DENND2A: variants seen among roughly 807,000 people sequenced by gnomAD.
DENND2A encodes the protein DENN domain-containing protein 2A.
Under a neutral mutation model 105.3 loss-of-function variants are expected in DENND2A, and 53 were observed. The ratio of observed to expected loss-of-function variants is 0.50; its 90% CI spans 0.40 to 0.63. The LOEUF (loss-of-function observed/expected upper bound fraction) is 0.63. Ranked by LOEUF, DENND2A falls within the 30% of genes least tolerant of loss-of-function variation. The probability of loss-of-function intolerance (pLI) is 0.00; values close to 1 mark genes in which losing one functional copy is unlikely to be tolerated. For missense variants in DENND2A, 1,138 were observed against 1,279.6 expected (o/e 0.89, Z 1.69); for synonymous variants, 522 against 508.4 (o/e 1.03, Z -0.36).
chr7:140,550,515 T>C (rs928163556), intron 12 of DENND2A, among the ~76,000 whole-genome samples: 3 of 152,202 alleles, frequency 2.0e-5, no homozygotes, highest in Non-Finnish European at 2.9e-5. Flanking sequence ...GAAATGGGGT[T>C]TCACCATGTT....
intron 1 of DENND2A, among the ~76,000 whole-genome samples, chr7:140,619,561 G>A (rs1375419161): frequency 6.6e-6 from 1 of 151,852 alleles, no homozygotes; most frequent in African/African-American, 2.4e-5. Flanking sequence ...GTGCAGTGGT[G>A]CAATCTCAGC....
At chr7:140,603,984 GA>G (rs2130691373) in intron 2 of DENND2A, among the ~76,000 whole-genome samples, 1 of 152,320 alleles carries the variant, frequency 6.6e-6, no homozygotes, top group Non-Finnish European at 1.5e-5. Context: ...TATTTTGAAG[GA>G]AAAACATTTT....
At chr7:140,576,242 T>A (rs745973669) in intron 5 of DENND2A, among the ~76,000 whole-genome samples, 7 of 151,830 alleles carry the variant, frequency 4.6e-5, no homozygotes, top group Non-Finnish European at 1.0e-4. Flanking sequence ...TTACTTGTAT[T>A]TTTATTTTAG....
At chr7:140,635,117 G>T (rs1800872199) in intron 1 of DENND2A, among the ~76,000 whole-genome samples, 1 of 151,932 alleles carries the variant, frequency 6.6e-6, no homozygotes, top group African/African-American at 2.4e-5. Context: ...ACAAAAATTA[G>T]CTAGGTGTGG....
At chr7:140,521,574 C>G (rs2130450091) in intron 18 of DENND2A, among the ~76,000 whole-genome samples, 1 of 152,284 alleles carries the variant, frequency 6.6e-6, no homozygotes, top group East Asian at 1.9e-4. Context: ...ACCCACTGTG[C>G]CCAGCCTGAG....
intron 11 of DENND2A, among the ~76,000 whole-genome samples, chr7:140,557,014 C>T (rs752346244): frequency 3.9e-5 from 6 of 151,904 alleles, no homozygotes; most frequent in Non-Finnish European, 7.4e-5. Context: ...TGAATGTTCT[C>T]TCTAAGTGAT....
intron 3 of DENND2A, among the ~76,000 whole-genome samples, chr7:140,595,519 A>G (rs1799247786): frequency 6.6e-6 from 1 of 152,140 alleles, no homozygotes; most frequent in South Asian, 2.1e-4. Flanking sequence ...CTATAATCCT[A>G]GCACTTTGGT....
At chr7:140,641,297 C>G (rs1478343567), upstream of DENND2A, 1 of 152,534 alleles carries the variant, frequency 6.6e-6, no homozygotes, top group African/African-American at 2.4e-5. Flanking sequence ...GGGGAGGGCC[C>G]AGGGCCGAGC....
At chr7:140,582,295 G>A (rs1489788403) in intron 5 of DENND2A, among the ~76,000 whole-genome samples, 1 of 152,106 alleles carries the variant, frequency 6.6e-6, no homozygotes, top group Non-Finnish European at 1.5e-5. Context: ...TTCCTCAGGG[G>A]TGAGGCAGTT....
intron 1 of DENND2A, among the ~76,000 whole-genome samples, chr7:140,635,138 C>T (rs1800873017): frequency 6.6e-6 from 1 of 151,776 alleles, no homozygotes; most frequent in African/African-American, 2.4e-5. Flanking sequence ...TGGTGCGCAC[C>T]TATAGTCCCC....
chr7:140,638,541 G>T (rs933544494), intron 1 of DENND2A, among the ~76,000 whole-genome samples: 1 of 152,052 alleles, frequency 6.6e-6, no homozygotes, highest in Non-Finnish European at 1.5e-5. Flanking sequence ...TAGAAGGAGC[G>T]CATCACTCCT....
At chr7:140,578,001 C>T (rs1399358839) in intron 5 of DENND2A, among the ~76,000 whole-genome samples, 1 of 152,182 alleles carries the variant, frequency 6.6e-6, no homozygotes, top group East Asian at 1.9e-4. Context: ...ACATGTATGG[C>T]ACCTAAATCC....
chr7:140,625,072 C>T (rs1273882789), intron 1 of DENND2A, among the ~76,000 whole-genome samples: 1 of 151,828 alleles, frequency 6.6e-6, no homozygotes, highest in African/African-American at 2.4e-5. Flanking sequence ...TGCCTTATAG[C>T]TACCAGATAA....
At chr7:140,558,066 G>T in intron 11 of DENND2A, 77 bp downstream of exon 11, 1 of 1,246,514 alleles carries the variant, frequency 8.0e-7, no homozygotes, top group East Asian at 2.4e-5. Context: ...CACGGGACTG[G>T]GAAGCCAGAC....
chr7:140,555,555 A>C, intron 12 of DENND2A, 81 bp downstream of exon 12: 1 of 1,231,172 alleles, frequency 8.1e-7, no homozygotes. Flanking sequence ...TAGAAGGCCC[A>C]GGACATGGGG....
chr7:140,627,091 C>A (rs752051313), intron 1 of DENND2A, among the ~76,000 whole-genome samples: 7 of 152,270 alleles, frequency 4.6e-5, no homozygotes, highest in African/African-American at 1.7e-4. Flanking sequence ...CAGTGCATAG[C>A]CCAGAAAAAG....
chr7:140,555,774 C>T, intron 11 of DENND2A, 61 bp from the exon 12 acceptor site: 1 of 1,466,446 alleles, frequency 6.8e-7, no homozygotes, highest in Non-Finnish European at 9.3e-7. Flanking sequence ...AGAAAGGAAC[C>T]CACATGTTTT....
At position 140,636,367 on chromosome 7, in the gene DENND2A, G is replaced by A. The variant is rs2130746254; in HGVS notation, c.-248+4137C>T. ...GTCTTCAGCAAGGTGACTGCCAGAA[G>A]GAACAGAGGAGGGCTGGTAAAGACC... On this transcript the variant is annotated intron_variant, in intron 1 of 19. Coordinates refer to ENST00000496613, the MANE Select transcript of DENND2A (RefSeq NM_015689.5). Among the ~76,000 whole-genome samples, 4 of 152,324 alleles carry A rather than the reference G, an allele frequency of 2.6e-5. No homozygotes were observed. The South Asian group carries it at 8.3e-4, about 32-fold the overall frequency.
chr7:140,550,295 C>A lies in DENND2A; in HGVS notation c.2038-3356G>T, dbSNP rs185415685. On this transcript the variant is annotated intron_variant, in intron 12 of 19. Transcript: ENST00000496613. ...GCAACGTCTGCCTCTCAGGTTCAAA[C>A]GATTCTCCTGCCTCAGCCTCCCGAG... 2.4e-4 allele frequency among the ~76,000 whole-genome samples: 36 copies of A among 152,136 alleles called. 1 individual carries two copies. The East Asian group carries it at 6.8e-3, about 29-fold the overall frequency.
Sources: allele counts gnomAD v4.1 joint callset (sites outside exome capture counted in the v4.1 genomes callset), GRCh38; gene constraint gnomAD v4.1.1; transcripts MANE v1.5; gene names NCBI Gene and HGNC (gene_info 2026-07-23, HGNC 2026-07-21).